Variants in PARG observed in about 807,000 individuals in gnomAD.
The protein encoded by PARG is mitochondrial poly(ADP-ribose) glycohydrolase.
In PARG, 35 loss-of-function variants were observed where a neutral mutation model predicts 113.0. The observed-to-expected ratio is 0.31, with a 90% confidence interval of 0.24 to 0.41. The LOEUF (loss-of-function observed/expected upper bound fraction) is 0.41, where lower values mean the gene tolerates loss of function less well. Ranked by LOEUF, PARG falls within the 10% of genes least tolerant of loss-of-function variation. The pLI is 1.00. For synonymous variants in PARG, 330 were observed against 409.9 expected (o/e 0.81, Z 2.36); for missense variants, 797 against 1,169.4 (o/e 0.68, Z 4.64).
intron 6 of PARG, among the ~76,000 whole-genome samples, chr10:49,917,507 A>AG (rs1554847988): frequency 6.7e-6 from 1 of 148,244 alleles, no homozygotes; most frequent in Non-Finnish European, 1.5e-5. Context: ...AAAAAAAAAA[A>AG]GAAAAAAAGA....
chr10:49,923,222 ATC>A (rs1244741518), intron 4 of PARG, among the ~76,000 whole-genome samples: 2 of 152,086 alleles, frequency 1.3e-5, no homozygotes, highest in African/African-American at 4.8e-5. Context: ...ATCTGGTTAA[ATC>A]TCTATTGTCA....
chr10:49,902,318 T>C (rs1554843890), intron 7 of PARG, among the ~76,000 whole-genome samples: 1 of 152,204 alleles, frequency 6.6e-6, no homozygotes, highest in African/African-American at 2.4e-5. Context: ...CCTCTTGAAG[T>C]AATTTTGGTT....
chr10:49,828,936 C>A (rs1420119676), intron 16 of PARG, among the ~76,000 whole-genome samples: 1 of 152,148 alleles, frequency 6.6e-6, no homozygotes, highest in African/African-American at 2.4e-5. Flanking sequence ...AAGTAACAAG[C>A]ATGTTAAAAA....
At chr10:49,836,385 C>T (rs1183946124) in intron 15 of PARG, among the ~76,000 whole-genome samples, 2 of 144,278 alleles carry the variant, frequency 1.4e-5, no homozygotes, top group Non-Finnish European at 3.0e-5. Flanking sequence ...GCAAACTCCA[C>T]CTCCCGGGTT....
At chr10:49,888,167 T>C (rs1464203001) in intron 7 of PARG, among the ~76,000 whole-genome samples, 1 of 152,086 alleles carries the variant, frequency 6.6e-6, no homozygotes, top group Non-Finnish European at 1.5e-5. Context: ...TTTACCCTTC[T>C]CCATTTATAA....
intron 1 of PARG, among the ~76,000 whole-genome samples, chr10:49,937,009 C>T (rs1306409068): frequency 6.6e-6 from 1 of 152,144 alleles, no homozygotes; most frequent in African/African-American, 2.4e-5. Flanking sequence ...TTGTTAAACA[C>T]CATTACTTCC....
chr10:49,928,206 G>A (rs1479456167), intron 4 of PARG, among the ~76,000 whole-genome samples: 11 of 151,416 alleles, frequency 7.3e-5, no homozygotes, highest in Non-Finnish European at 1.2e-4. Context: ...GGGAGGCAGA[G>A]GTTGCAGTGA....
chr10:49,901,665 A>G (rs1171609309), intron 7 of PARG, among the ~76,000 whole-genome samples: 1 of 152,008 alleles, frequency 6.6e-6, no homozygotes, highest in Non-Finnish European at 1.5e-5. Context: ...GAAAGAATAA[A>G]AATGCAAATA....
chr10:49,914,613 G>GAA lies in PARG; in HGVS notation c.1737+1302_1737+1303dup, dbSNP rs1210203249. Among the ~76,000 whole-genome samples the GAA allele has an allele frequency of 2.0e-5, 3 of 152,274 alleles. No homozygotes were observed. In the East Asian group the frequency reaches 5.8e-4, roughly 29 times the overall value. On this transcript the variant is annotated intron_variant, in intron 7 of 17. Coordinates refer to ENST00000616448, the MANE Select transcript of PARG (RefSeq NM_003631.5). Reference sequence around the variant, plus strand: ...ACAAATTAATCCTAAAATTCAGAGTGAAATGCAAAGAATCCAAAAATAGCC... The same window carrying GAA: ...ACAAATTAATCCTAAAATTCAGAGTGAAAAATGCAAAGAATCCAAAAATAGCC...
rs1255210837 is a variant in PARG at position 49,904,357 on chromosome 10, T to C, written c.1737+11560A>G. Among the ~76,000 whole-genome samples, 6 of 149,964 alleles carry C rather than the reference T, an allele frequency of 4.0e-5. 1 individual carries two copies. The highest frequency in any genetic ancestry group is 1.5e-4 in the African/African-American group (6 of 41,082). ...TGCATATAACCTGCATTAAGTGGTA[T>C]TGAAAGTTCTCACTATGTTAAGTGC... On this transcript the variant is annotated intron_variant, in intron 7 of 17. Transcript: ENST00000616448.
At chr10:49,887,780 A>G (rs1339930096) in intron 7 of PARG, among the ~76,000 whole-genome samples, 19 of 152,048 alleles carry the variant, frequency 1.2e-4, no homozygotes, top group African/African-American at 4.3e-4. Flanking sequence ...CAACCTATCT[A>G]TATTGTTGTC....
intron 7 of PARG, among the ~76,000 whole-genome samples, chr10:49,900,001 T>C (rs1209994136): frequency 6.6e-6 from 1 of 152,030 alleles, no homozygotes; most frequent in African/African-American, 2.4e-5. Context: ...TGTCCTTATA[T>C]TAATTTGACA....
chr10:49,841,809 G>T, intron 15 of PARG, 141 bp downstream of exon 15: 1 of 625,830 alleles, frequency 1.6e-6, no homozygotes, highest in Non-Finnish European at 2.8e-6. Flanking sequence ...TGTACAAGCT[G>T]ACAGAGCCAT....
intron 16 of PARG, among the ~76,000 whole-genome samples, chr10:49,821,539 C>T (rs918698554): frequency 3.3e-5 from 5 of 152,094 alleles, no homozygotes; most frequent in African/African-American, 1.2e-4. Flanking sequence ...GCCACCATAC[C>T]TGGCTAATTT....
chr10:49,893,119 A>T (rs2132697470), intron 7 of PARG, among the ~76,000 whole-genome samples: 1 of 123,890 alleles, frequency 8.1e-6, no homozygotes, highest in Non-Finnish European at 1.6e-5. Flanking sequence ...TTAATGGGTA[A>T]TAGGGTAAGT....
chr10:49,819,523 A>C, intron 17 of PARG, 29 bp from the exon 18 acceptor site: 1 of 1,523,072 alleles, frequency 6.6e-7, no homozygotes, highest in Non-Finnish European at 8.9e-7. Context: ...GACCAGAGGC[A>C]CATTAAAGTA....
chr10:49,832,945 C>CT (rs1290232861), intron 15 of PARG, 37 bp from the exon 16 acceptor site: 15 of 1,059,580 alleles, frequency 1.4e-5, no homozygotes, highest in Non-Finnish European at 2.0e-5. Context: ...CTGTGAGTGC[C>CT]TAGACACTAA....
At chr10:49,908,399 C>A (rs1836979106) in intron 7 of PARG, 1 of 152,108 alleles carries the variant, frequency 6.6e-6, no homozygotes, top group African/African-American at 2.4e-5. Context: ...CTGATTAGTT[C>A]CCTTTTGGCT....
chr10:49,921,722 A>G (rs2132893953), intron 6 of PARG, among the ~76,000 whole-genome samples: 1 of 151,576 alleles, frequency 6.6e-6, no homozygotes, highest in South Asian at 2.1e-4. Context: ...AAAAGTTTTC[A>G]TGGCTATAGT....
Sources: allele counts gnomAD v4.1 joint callset (sites outside exome capture counted in the v4.1 genomes callset), GRCh38; gene constraint gnomAD v4.1.1; transcripts MANE v1.5; gene names NCBI Gene and HGNC (gene_info 2026-07-23, HGNC 2026-07-21).